The following MARCHF1 variants were observed in gnomAD, a reference collection of about 807,000 sequenced individuals.
MARCHF1 encodes E3 ubiquitin-protein ligase MARCHF1.
In MARCHF1, 40 loss-of-function variants were observed where a neutral mutation model predicts 54.2. That is an observed-to-expected ratio of 0.74 (90% CI 0.57 to 0.96). The LOEUF is 0.96. Among genes scored for constraint, MARCHF1 ranks in the 40% least tolerant of loss-of-function variants. The pLI, the probability that MARCHF1 is intolerant of heterozygous loss-of-function variation, is 0.00. For missense variants in MARCHF1, 586 were observed against 656.5 expected, an observed-to-expected ratio of 0.89 and a Z score of 1.17; for synonymous variants, 236 against 236.3, an observed-to-expected ratio of 1.00 and a Z score of 0.01.
chr4:164,176,867 C>T (rs1730676468), intron 1 of MARCHF1, among the ~76,000 whole-genome samples: 2 of 148,752 alleles, frequency 1.3e-5, no homozygotes, highest in Non-Finnish European at 3.0e-5. Context: ...CCTTCTGATT[C>T]CTTAATTTTA....
chr4:163,822,436 G>A (rs1402939066), intron 4 of MARCHF1, among the ~76,000 whole-genome samples: 1 of 151,838 alleles, frequency 6.6e-6, no homozygotes, highest in East Asian at 1.9e-4. Flanking sequence ...AAGGTATAGA[G>A]GTCATAGGTG....
intron 1 of MARCHF1, among the ~76,000 whole-genome samples, chr4:164,226,957 T>C (rs1425501253): frequency 6.6e-6 from 1 of 152,136 alleles, no homozygotes; most frequent in Non-Finnish European, 1.5e-5. Flanking sequence ...AATTAGATTA[T>C]CAGCAAATAG....
At chr4:163,815,924 C>T (rs971560489) in intron 4 of MARCHF1, among the ~76,000 whole-genome samples, 2 of 152,142 alleles carry the variant, frequency 1.3e-5, no homozygotes, top group Non-Finnish European at 2.9e-5. Context: ...TCTTTCACTT[C>T]CCCTTTTTAT....
Position 163,549,516 on chromosome 4 carries a change from AG to A in MARCHF1, c.1192-3774del, listed in dbSNP as rs1380190267. 2.6e-5 allele frequency among the ~76,000 whole-genome samples: 4 copies of A among 152,214 alleles called. No individual in the cohort carries two copies. In the East Asian group the frequency reaches 7.7e-4, roughly 29 times the overall value. ...CCGACCCTCTGATCTGCCCTTCCTT[AG>A]TCTTCAAGTTCTCCTTTATACCTTG... is the stretch of plus-strand genomic sequence containing the variant. On this transcript the variant is annotated intron_variant, in intron 8 of 9. Transcript: ENST00000514618.
At chr4:164,150,540 C>T (rs1579576383) in intron 1 of MARCHF1, among the ~76,000 whole-genome samples, 1 of 152,074 alleles carries the variant, frequency 6.6e-6, no homozygotes. Context: ...CTGACCTTGC[C>T]CTACTCTGGT....
At chr4:164,154,088 AT>A (rs1289389527) in intron 1 of MARCHF1, among the ~76,000 whole-genome samples, 4 of 152,352 alleles carry the variant, frequency 2.6e-5, no homozygotes, top group African/African-American at 9.6e-5. Flanking sequence ...TTAAACAAAT[AT>A]TCTTTCAAAA....
intron 5 of MARCHF1, among the ~76,000 whole-genome samples, chr4:163,650,117 G>T (rs1742911617): frequency 6.6e-6 from 1 of 151,834 alleles, no homozygotes; most frequent in Admixed American, 6.6e-5. Context: ...ATGGCACACG[G>T]TGTTTATAAA....
chr4:163,803,260 G>A (rs1285101095), intron 4 of MARCHF1, among the ~76,000 whole-genome samples: 1 of 152,082 alleles, frequency 6.6e-6, no homozygotes, highest in Non-Finnish European at 1.5e-5. Context: ...TGCAACCTCT[G>A]CCTCCCGGGT....
chr4:163,861,072 A>T (rs1311913459), intron 3 of MARCHF1, among the ~76,000 whole-genome samples: 1 of 152,192 alleles, frequency 6.6e-6, no homozygotes, highest in Non-Finnish European at 1.5e-5. Context: ...AAAAGGAGAC[A>T]ACATCAGTAA....
intron 3 of MARCHF1, among the ~76,000 whole-genome samples, chr4:163,976,846 C>T (rs1030260422): frequency 6.6e-6 from 1 of 152,118 alleles, no homozygotes; most frequent in African/African-American, 2.4e-5. Context: ...GATTTCTATG[C>T]AGTGCATTTC....
intron 1 of MARCHF1, among the ~76,000 whole-genome samples, chr4:164,327,435 GGTGGAGCTAAA>G (rs1010931380): frequency 6.6e-6 from 1 of 152,132 alleles, no homozygotes; most frequent in African/African-American, 2.4e-5. Flanking sequence ...TTTTGCAACA[GGTGGAGCTAAA>G]GTCGGGGCAA....
rs1460697708 is a variant in MARCHF1, at chr4:163,800,591, A to G, written c.111+53430T>C. ...TTCTGATGACAATAAAAAGATACAT[A>G]AACAAAATTGTATGGTATTTTCTAT... is the stretch of plus-strand genomic sequence containing the variant. On this transcript the variant is annotated intron_variant, in intron 4 of 9. Transcript: ENST00000514618. Among the ~76,000 whole-genome samples the G allele has an allele frequency of 5.9e-5, 9 of 152,082 alleles. No homozygotes were observed. The South Asian group carries it at 6.2e-4, about 10-fold the overall frequency.
intron 5 of MARCHF1, among the ~76,000 whole-genome samples, chr4:163,639,992 T>A (rs1742495783): frequency 6.6e-6 from 1 of 152,108 alleles, no homozygotes; most frequent in Admixed American, 6.6e-5. Flanking sequence ...CACAGATCAC[T>A]CCAAGAAAAC....
chr4:163,921,186 G>A (rs1751422113), intron 3 of MARCHF1, among the ~76,000 whole-genome samples: 1 of 152,130 alleles, frequency 6.6e-6, no homozygotes. Flanking sequence ...TGATGGAAAT[G>A]TTCTTTCTTA....
At chr4:164,351,616 C>T (rs1011943318) in intron 1 of MARCHF1, among the ~76,000 whole-genome samples, 1 of 152,152 alleles carries the variant, frequency 6.6e-6, no homozygotes, top group Non-Finnish European at 1.5e-5. Context: ...ATCTGTACAT[C>T]ACCATCATCA....
intron 5 of MARCHF1, among the ~76,000 whole-genome samples, chr4:163,663,379 A>C (rs1293335738): frequency 6.6e-6 from 1 of 151,894 alleles, no homozygotes; most frequent in African/African-American, 2.4e-5. Flanking sequence ...TCTCAGGCCA[A>C]TTTCTCTGGC....
At chr4:163,753,043 C>G (rs539267231) in intron 4 of MARCHF1, among the ~76,000 whole-genome samples, 1 of 152,110 alleles carries the variant, frequency 6.6e-6, no homozygotes, top group African/African-American at 2.4e-5. Context: ...CACACATATA[C>G]CCATATTTCA....
At position 163,817,898 on chromosome 4, in the gene MARCHF1, G is replaced by A. The variant is rs1336641240; in HGVS notation, c.111+36123C>T. ...ACACCGCATGTTCTCACTCATAGAT[G>A]GGAATTGAACAATGAGAACACATGG... is the stretch of plus-strand genomic sequence containing the variant. On this transcript the variant is annotated intron_variant, in intron 4 of 9. Transcript: ENST00000514618. Among the ~76,000 whole-genome samples the A allele has an allele frequency of 2.8e-5, 4 of 143,526 alleles. No homozygotes were observed. The South Asian group carries it at 6.8e-4, about 24-fold the overall frequency. 94.2% of individuals were successfully genotyped at this position (143,526 alleles called of 152,430 possible).
intron 1 of MARCHF1, among the ~76,000 whole-genome samples, chr4:164,297,888 A>AT (rs1177579364): frequency 1.3e-5 from 2 of 152,168 alleles, no homozygotes; most frequent in Non-Finnish European, 1.5e-5. Flanking sequence ...ATGAGACTCA[A>AT]TTTACCTGAA....
Sources: gnomAD v4.1 joint callset for allele counts (sites outside exome capture counted in the v4.1 genomes callset) on GRCh38, gnomAD v4.1.1 for gene constraint, MANE v1.5 for transcripts, NCBI Gene and HGNC (gene_info 2026-07-23, HGNC 2026-07-21) for gene names.